Variants in POF1B observed in about 807,000 individuals in gnomAD.
The protein encoded by POF1B is protein POF1B.
Under a neutral mutation model 55.3 loss-of-function variants are expected in POF1B, and 53 were observed. The ratio of observed to expected loss-of-function variants is 0.96; its 90% CI spans 0.77 to 1.20. The LOEUF is 1.20. Among genes scored for constraint, POF1B ranks in the 50% most tolerant of loss-of-function variants. POF1B has a pLI of 0.00. For synonymous variants in POF1B, 188 were observed against 148.3 expected (o/e 1.27, Z -1.95); for missense variants, 478 against 420.5 (o/e 1.14, Z -1.20).
At chrX:85,340,144 G>T (rs2147931176) in intron 6 of POF1B, among the ~76,000 whole-genome samples, 2 of 110,942 alleles carry the variant, frequency 1.8e-5, no homozygotes, top group African/African-American at 6.5e-5. Flanking sequence ...GTAATGAGTT[G>T]ATTAGAATCA....
At chrX:85,308,900 A>G (rs1373487420) in intron 9 of POF1B, among the ~76,000 whole-genome samples, 1 of 110,409 alleles carries the variant, frequency 9.1e-6, no homozygotes, top group Non-Finnish European at 1.9e-5. Context: ...CTGGTCTCGA[A>G]CTCCTGACCT....
intron 16 of POF1B, 79 bp from the exon 17 acceptor site, chrX:85,279,505 A>C (rs769929846): frequency 1.3e-4 from 131 of 975,045 alleles, no homozygotes; most frequent in Non-Finnish European, 1.8e-4. Context: ...GTTATGGAAA[A>C]TTATTTAAAT....
intron 2 of POF1B, among the ~76,000 whole-genome samples, chrX:85,375,878 C>T (rs750104595): frequency 4.5e-5 from 5 of 111,918 alleles, no homozygotes; most frequent in Non-Finnish European, 9.4e-5. Flanking sequence ...AGAATGGCAA[C>T]CCTTATAACA....
intron 3 of POF1B, among the ~76,000 whole-genome samples, chrX:85,366,069 A>G (rs1362941276): frequency 8.9e-6 from 1 of 112,260 alleles, no homozygotes; most frequent in Non-Finnish European, 1.9e-5. Context: ...TTTATAAAAA[A>G]TAAAAGCAAA....
chrX:85,350,812 G>A (rs1206741376), intron 5 of POF1B, among the ~76,000 whole-genome samples: 2 of 111,239 alleles, frequency 1.8e-5, no homozygotes, highest in Non-Finnish European at 3.8e-5. Context: ...AGTTAGAATG[G>A]CAATGATTAA....
chrX:85,314,516 A>G lies in POF1B; in HGVS notation c.883-10T>C. ...ATTCAATGTCTTCCGACTGTAAGAAAAAAAGGCTTATCCATGGAACAGATA... is the reference window on the plus strand; with the variant it reads ...ATTCAATGTCTTCCGACTGTAAGAAGAAAAGGCTTATCCATGGAACAGATA... On this transcript the variant is annotated splice_polypyrimidine_tract_variant and intron_variant, in intron 8 of 16. Transcript: ENST00000262753. 8.5e-7 allele frequency: 1 copy of G among 1,171,973 alleles called. No homozygotes were observed. Among genetic ancestry groups the G allele is most frequent in the Non-Finnish European group, 1.1e-6 (1 of 871,023 alleles).
intron 6 of POF1B, among the ~76,000 whole-genome samples, chrX:85,343,249 A>T (rs185303042): frequency 1.8e-5 from 2 of 111,035 alleles, no homozygotes; most frequent in African/African-American, 3.3e-5. Context: ...AAAGAAAAAA[A>T]TCCTCCAGCC....
chrX:85,338,351 C>T (rs1480785837), intron 6 of POF1B, among the ~76,000 whole-genome samples: 2 of 111,397 alleles, frequency 1.8e-5, no homozygotes, highest in Non-Finnish European at 3.8e-5. Flanking sequence ...TAACAAATCA[C>T]ACTGAAATGG....
At chrX:85,359,742 A>G in intron 3 of POF1B, 112 bp from the exon 4 acceptor site, 1 of 462,851 alleles carries the variant, frequency 2.2e-6, no homozygotes, top group Non-Finnish European at 3.7e-6. Context: ...ATTTGCATGA[A>G]TGATAATGTA....
At chrX:85,283,722 A>G (rs1259230036) in intron 15 of POF1B, among the ~76,000 whole-genome samples, 2 of 110,544 alleles carry the variant, frequency 1.8e-5, no homozygotes, top group African/African-American at 3.3e-5. Flanking sequence ...AAAAAAAGAA[A>G]CATGAAGAAA....
intron 15 of POF1B, among the ~76,000 whole-genome samples, chrX:85,301,729 G>A (rs1356698444): frequency 8.9e-6 from 1 of 111,795 alleles, no homozygotes; most frequent in Non-Finnish European, 1.9e-5. Context: ...GAAGAAGGCA[G>A]GAATGGAGGA....
chrX:85,374,861 T>C (rs1388211723), intron 2 of POF1B, among the ~76,000 whole-genome samples: 1 of 112,476 alleles, frequency 8.9e-6, no homozygotes, highest in Non-Finnish European at 1.9e-5. Flanking sequence ...TGAGATGTTA[T>C]ACTCAACTTA....
intron 15 of POF1B, among the ~76,000 whole-genome samples, chrX:85,287,627 C>G (rs1392813734): frequency 9.0e-6 from 1 of 110,982 alleles, no homozygotes; most frequent in African/African-American, 3.3e-5. Context: ...CAACTCCAGT[C>G]CAGGATGACT....
chrX:85,340,217 A>G (rs1294328369), intron 6 of POF1B, among the ~76,000 whole-genome samples: 2 of 111,323 alleles, frequency 1.8e-5, no homozygotes, highest in African/African-American at 6.5e-5. Flanking sequence ...GTACTAGACT[A>G]AATTGGTTTA....
intron 7 of POF1B, among the ~76,000 whole-genome samples, chrX:85,320,619 C>T (rs1381170644): frequency 9.0e-6 from 1 of 111,096 alleles, no homozygotes; most frequent in Admixed American, 9.6e-5. Context: ...AATAGAGACA[C>T]AAAAAACCCT....
intron 7 of POF1B, among the ~76,000 whole-genome samples, chrX:85,321,972 T>C (rs1166756123): frequency 9.0e-6 from 1 of 110,855 alleles, no homozygotes; most frequent in Non-Finnish European, 1.9e-5. Flanking sequence ...GAACATTCCA[T>C]GTTCATGGGT....
chrX:85,328,939 T>C lies in POF1B; in HGVS notation c.854+2010A>G, dbSNP rs1286412369. Among the ~76,000 whole-genome samples, 3 of 111,045 alleles carry C rather than the reference T, an allele frequency of 2.7e-5. No homozygotes were observed. In the South Asian group the frequency reaches 1.1e-3, roughly 42 times the overall value. On this transcript the variant is annotated intron_variant, in intron 7 of 16. Coordinates refer to ENST00000262753, the MANE Select transcript of POF1B (RefSeq NM_024921.4). ...GTACTTAAGACTATGTCCTATATAC[T>C]TCTGAATTTTACAATGTGATACTTT...
At chrX:85,359,178 T>G (rs969181861) in intron 4 of POF1B, among the ~76,000 whole-genome samples, 2 of 111,230 alleles carry the variant, frequency 1.8e-5, no homozygotes, top group Non-Finnish European at 3.8e-5. Flanking sequence ...GCCTGAAAAC[T>G]CCAACCCCTG....
chrX:85,329,077 C>G (rs1932935712), intron 7 of POF1B, among the ~76,000 whole-genome samples: 1 of 111,519 alleles, frequency 9.0e-6, no homozygotes, highest in South Asian at 3.7e-4. Context: ...TAAAGCAGTA[C>G]TCAAAAATGT....
Sources: allele counts gnomAD v4.1 joint callset (sites outside exome capture counted in the v4.1 genomes callset), GRCh38; gene constraint gnomAD v4.1.1; transcripts MANE v1.5; gene names NCBI Gene and HGNC (gene_info 2026-07-23, HGNC 2026-07-21).